Variants in UBE2V1 observed in about 807,000 individuals in gnomAD.
UBE2V1 encodes the protein ubiquitin conjugating enzyme E2 V1.
A neutral mutation model predicts 19.6 loss-of-function variants in UBE2V1; 15 were observed. The observed-to-expected ratio is 0.77, with a 90% CI of 0.51 to 1.18. The LOEUF (loss-of-function observed/expected upper bound fraction) is 1.18. Among genes scored for constraint, UBE2V1 ranks in the 50% most tolerant of loss-of-function variants. UBE2V1 has a pLI of 0.00. For synonymous variants in UBE2V1, 60 were observed against 60.7 expected (o/e 0.99, Z 0.05); for missense variants, 125 against 184.8 (o/e 0.68, Z 1.88).
chr20:50,090,574 G>A (rs1328460425), intron 2 of UBE2V1, among the ~76,000 whole-genome samples: 4 of 151,866 alleles, frequency 2.6e-5, no homozygotes, highest in African/African-American at 9.7e-5. Context: ...AAGACAAAAA[G>A]TGTATGATCT....
chr20:50,101,571 CAAA>C (rs11481618), intron 1 of UBE2V1, among the ~76,000 whole-genome samples: 8 of 71,176 alleles, frequency 1.1e-4, no homozygotes, highest in Admixed American at 1.9e-4. Flanking sequence ...CATTTATAAG[CAAA>C]AAAAAAAAAA....
intron 1 of UBE2V1, among the ~76,000 whole-genome samples, chr20:50,102,086 C>T (rs1020606518): frequency 1.3e-5 from 2 of 152,162 alleles, no homozygotes; most frequent in Admixed American, 6.5e-5. Flanking sequence ...CTACTGCTAA[C>T]GTCTCAGGAT....
Position 50,113,101 on chromosome 20 carries a change from G to T in UBE2V1, c.22+6C>A. The stretch of plus-strand genomic sequence containing the variant: ...TCGGCCGGCCGGGCCCGGCGCCCCC[G>T]CTCACCCGAGCCCGTGGTGGCTGCC... On this transcript the variant is annotated splice_donor_region_variant and intron_variant, in intron 1 of 3. Coordinates refer to ENST00000371674, the MANE Select transcript of UBE2V1 (RefSeq NM_001032288.3). The T allele has an allele frequency of 2.3e-6, 3 of 1,301,666 alleles. No homozygotes were observed. Among genetic ancestry groups the T allele is most frequent in the South Asian group, 2.0e-5 (1 of 49,714 alleles). 80.6% of individuals were successfully genotyped at this position (1,301,666 alleles called of 1,614,324 possible).
chr20:50,115,729 C>T (rs1041315566), upstream of UBE2V1: 8 of 874,080 alleles, frequency 9.2e-6, no homozygotes, highest in African/African-American at 1.2e-4. Flanking sequence ...TTAATCCTCA[C>T]AACTCGATGC....
At chr20:50,098,009 G>A (rs1219998313) in intron 1 of UBE2V1, among the ~76,000 whole-genome samples, 1 of 152,204 alleles carries the variant, frequency 6.6e-6, no homozygotes, top group Non-Finnish European at 1.5e-5. Context: ...CATTCTAGTA[G>A]AAGACATATA....
intron 1 of UBE2V1, among the ~76,000 whole-genome samples, chr20:50,110,971 A>G (rs2080713458): frequency 6.6e-6 from 1 of 152,162 alleles, no homozygotes; most frequent in Admixed American, 6.5e-5. Flanking sequence ...ACACTATCAC[A>G]TCACACAATT....
upstream of UBE2V1, among the ~76,000 whole-genome samples, chr20:50,114,183 G>A (rs1376051871): frequency 6.6e-6 from 1 of 152,172 alleles, no homozygotes; most frequent in Non-Finnish European, 1.5e-5. Flanking sequence ...TGTAGACACT[G>A]AGGCTGAGAG....
intron 1 of UBE2V1, among the ~76,000 whole-genome samples, chr20:50,105,420 A>G (rs527506194): frequency 1.3e-5 from 2 of 152,380 alleles, no homozygotes; most frequent in South Asian, 4.1e-4. Flanking sequence ...ATCACGGTAC[A>G]TTAAACAAAA....
chr20:50,113,794 C>T (rs930008195), upstream of UBE2V1, among the ~76,000 whole-genome samples: 1 of 103,766 alleles, frequency 9.6e-6, no homozygotes, highest in African/African-American at 6.1e-5. Context: ...TTCATTCATT[C>T]GTTCATTCAT....
At chr20:50,084,386 T>G (rs1324864682) in intron 2 of UBE2V1, 132 bp from the exon 3 acceptor site, 2 of 1,549,166 alleles carry the variant, frequency 1.3e-6, no homozygotes, top group South Asian at 1.1e-5. Context: ...CTACTTGTTC[T>G]GTGGTAGGTC....
upstream of UBE2V1, chr20:50,115,774 G>A (rs1404604678): frequency 9.7e-6 from 5 of 512,858 alleles, no homozygotes; most frequent in South Asian, 8.8e-5. Context: ...TTTTAGAGAT[G>A]AGAAAACTGA....
At position 50,082,688 on chromosome 20, in the gene UBE2V1, A is replaced by G. The variant is rs2078692032; in HGVS notation, c.*80T>C. ...TTTGAGGTCTACAAGACGTATCTAG[A>G]AAATTTACTACTGTGGAAAATGAAG... On this transcript the variant is annotated 3_prime_UTR_variant, in exon 4 of 4. Coordinates refer to ENST00000371674, the MANE Select transcript of UBE2V1 (RefSeq NM_001032288.3). 1 of 1,558,210 alleles carries G rather than the reference A, an allele frequency of 6.4e-7. No individual in the cohort carries two copies. Among genetic ancestry groups the G allele is most frequent in the Admixed American group, 1.9e-5 (1 of 52,296 alleles).
At chr20:50,093,261 A>G in intron 2 of UBE2V1, among the ~76,000 whole-genome samples, 1 of 152,294 alleles carries the variant, frequency 6.6e-6, no homozygotes, top group East Asian at 1.9e-4. Context: ...CCTGGATCAC[A>G]TGGTATAGAC....
intron 1 of UBE2V1, among the ~76,000 whole-genome samples, chr20:50,106,023 C>T (rs1300504906): frequency 3.9e-5 from 6 of 152,042 alleles, no homozygotes; most frequent in Non-Finnish European, 7.4e-5. Flanking sequence ...TCTATAATAG[C>T]TAGGAAGTAC....
At chr20:50,114,628 G>A (rs1242438056), upstream of UBE2V1, among the ~76,000 whole-genome samples, 2 of 152,178 alleles carry the variant, frequency 1.3e-5, no homozygotes, top group Non-Finnish European at 2.9e-5. Context: ...GCTCTCCAGG[G>A]CAAAGCAGGA....
At chr20:50,089,628 G>A (rs2269218) in intron 2 of UBE2V1, among the ~76,000 whole-genome samples, 35,608 of 152,050 alleles carry the variant, frequency 0.23, 4,282 homozygotes, top group Admixed American at 0.32. Flanking sequence ...GCCAGCAGCA[G>A]CAGGCACCTC....
intron 1 of UBE2V1, among the ~76,000 whole-genome samples, chr20:50,101,571 C>CA (rs11481618): frequency 0.22 from 15,910 of 70,744 alleles, 1,761 homozygotes; most frequent in Admixed American, 0.32. Context: ...CATTTATAAG[C>CA]AAAAAAAAAA....
intron 2 of UBE2V1, chr20:50,096,129 CT>C (rs2079605727): frequency 6.5e-6 from 1 of 153,284 alleles, no homozygotes; most frequent in Non-Finnish European, 1.5e-5. Context: ...AAAGAGGCCA[CT>C]TTTCCCCATC....
chr20:50,085,571 G>A (rs2078867542), intron 2 of UBE2V1, among the ~76,000 whole-genome samples: 2 of 152,054 alleles, frequency 1.3e-5, no homozygotes, highest in African/African-American at 2.4e-5. Context: ...TACCCTCTCC[G>A]GCATCCGTGC....
Sources: gnomAD v4.1 joint callset for allele counts (sites outside exome capture counted in the v4.1 genomes callset) on GRCh38, gnomAD v4.1.1 for gene constraint, MANE v1.5 for transcripts, NCBI Gene and HGNC (gene_info 2026-07-23, HGNC 2026-07-21) for gene names.